The following ACAN variants were observed in gnomAD, a reference collection of about 807,000 sequenced individuals.
ACAN encodes the protein aggrecan core protein.
ACAN carries 47 observed loss-of-function variants against 169.1 expected under a neutral mutation model. The ratio of observed to expected loss-of-function variants is 0.28; its 90% CI spans 0.22 to 0.35. ACAN has a LOEUF of 0.35. Among genes scored for constraint, ACAN ranks in the 10% least tolerant of loss-of-function variants. The pLI, the probability that ACAN is intolerant of heterozygous loss-of-function variation, is 1.00. For synonymous variants in ACAN, 1,115 were observed against 1,112.2 expected, an observed-to-expected ratio of 1.00 and a Z score of -0.05; for missense variants, 2,716 against 2,759.9, an observed-to-expected ratio of 0.98 and a Z score of 0.36.
intron 1 of ACAN, among the ~76,000 whole-genome samples, chr15:88,806,134 A>G (rs1349165989): frequency 6.6e-6 from 1 of 152,140 alleles, no homozygotes; most frequent in East Asian, 1.9e-4. Flanking sequence ...CCTCTTCTCT[A>G]AAAAGGGGAG....
chr15:88,874,683 G>T lies in ACAN; in HGVS notation c.*202G>T, dbSNP rs561506930. 4.5e-6 allele frequency: 3 copies of T among 670,766 alleles called. No homozygotes were observed. Among genetic ancestry groups the T allele is most frequent in the Non-Finnish European group, 5.4e-6 (2 of 367,838 alleles). 41.6% of individuals were successfully genotyped at this position (670,766 alleles called of 1,614,324 possible). ...CAAAACCGCATCTAATTTGTCCGCC[G>T]AATGCCAAAGCAAAGCAAACTTATT... On this transcript the variant is annotated 3_prime_UTR_variant, in exon 19 of 19. Coordinates refer to ENST00000560601, the MANE Select transcript of ACAN (RefSeq NM_001369268.1). The surrounding 1 kb of genome is among the most constrained non-coding windows in gnomAD (Gnocchi z 7.3).
intron 1 of ACAN, among the ~76,000 whole-genome samples, chr15:88,825,535 T>C (rs947336814): frequency 3.3e-5 from 5 of 152,152 alleles, no homozygotes; most frequent in Non-Finnish European, 5.9e-5. Context: ...TAGTGTACCA[T>C]GTTATCTCCC....
rs1260822539 is a variant in ACAN at position 88,858,353 on chromosome 15, A to G, written c.5768A>G (p.Tyr1923Cys). 1.9e-6 allele frequency: 3 copies of G among 1,613,808 alleles called. No individual in the cohort carries two copies. Among genetic ancestry groups the G allele is most frequent in the South Asian group, 2.2e-5 (2 of 91,076 alleles). Reference protein sequence around the residue: ...IGSSLPSGAYYGSGTPSSFPT... With the variant: ...IGSSLPSGAYCGSGTPSSFPT... Reference sequence around the variant, plus strand: ...AGCAGCCTGCCCTCGGGAGCATATTATGGCAGTGGAACTCCATCTAGTTTC... The same window carrying G: ...AGCAGCCTGCCCTCGGGAGCATATTGTGGCAGTGGAACTCCATCTAGTTTC... The change falls in exon 12 of 19, where the codon TAT (tyrosine) becomes TGT (cysteine). Residue 1923 changes from tyrosine to cysteine, a missense_variant. Physicochemically the swap from Tyr to Cys is radical, Grantham distance 194. Transcript: ENST00000560601. This position sits in a 1 kb window ranked among gnomAD's most constrained non-coding sequence, Gnocchi z 4.0.
chr15:88,875,264 C>T lies in ACAN; in HGVS notation c.*783C>T, dbSNP rs1267905013. On this transcript the variant is annotated 3_prime_UTR_variant, in exon 19 of 19. Coordinates refer to ENST00000560601, the MANE Select transcript of ACAN (RefSeq NM_001369268.1). This position sits in a 1 kb window ranked among gnomAD's most constrained non-coding sequence, Gnocchi z 4.8. ...CCCTCCCCACCCCCGCCCCCGGGAC[C>T]GTGCAGGCACCAGGGTTCCGTGCAC... 4 of 150,798 alleles carry T rather than the reference C, an allele frequency of 2.7e-5. No individual in the cohort carries two copies. Among genetic ancestry groups the T allele is most frequent in the African/African-American group, 7.3e-5 (3 of 40,852 alleles). The allele number at this position is 150,798 out of a possible 1,614,324, so 9.3% of individuals were successfully genotyped here. A position where few individuals can be genotyped will look rare whatever the true frequency, so the allele number is the denominator to read the frequency against.
In ACAN at chr15:88,875,232, C is replaced by T. The variant is rs1203306787; in HGVS notation, c.*751C>T. ...CTGCCCAGTGGGGGGTGCCGCCCAA[C>T]CTTCTCCCCTCCCCACCCCCGCCCC... On this transcript the variant is annotated 3_prime_UTR_variant, in exon 19 of 19. Coordinates refer to ENST00000560601, the MANE Select transcript of ACAN (RefSeq NM_001369268.1). The surrounding 1 kb of genome is among the most constrained non-coding windows in gnomAD (Gnocchi z 4.8). The T allele has an allele frequency of 6.6e-6, 1 of 152,532 alleles. No individual in the cohort carries two copies. The highest frequency in any genetic ancestry group is 6.5e-5 in the Admixed American group (1 of 15,308). 9.4% of individuals were successfully genotyped at this position (152,532 alleles called of 1,614,324 possible).
chr15:88,848,381 A>T (rs1896847407), intron 9 of ACAN, among the ~76,000 whole-genome samples: 1 of 152,200 alleles, frequency 6.6e-6, no homozygotes, highest in South Asian at 2.1e-4. Flanking sequence ...CCTGGGCACA[A>T]ATCAAAGGCA....
chr15:88,874,396 T>C lies in ACAN; in HGVS notation c.7631-9T>C. 1 of 1,596,852 alleles carries C rather than the reference T, an allele frequency of 6.3e-7. No individual in the cohort carries two copies. Among genetic ancestry groups the C allele is most frequent in the African/African-American group, 1.3e-5 (1 of 74,566 alleles). ...CCACTGATATCTTTCCATCTCCCTT[T>C]CGTCCTAGCCACCACCTACAAACGC... is the stretch of plus-strand genomic sequence containing the variant. On this transcript the variant is annotated splice_polypyrimidine_tract_variant and intron_variant, in intron 18 of 18. Transcript: ENST00000560601. This position sits in a 1 kb window ranked among gnomAD's most constrained non-coding sequence, Gnocchi z 7.3.
chr15:88,845,804 G>A lies in ACAN; in HGVS notation c.1351G>A (p.Gly451Ser), dbSNP rs372274447. ...CTGGGGCTTTCCCACACCTGGCCTG[G>A]GCCCTGCCACGGCATTCACCAGTGA... Reference protein sequence around the residue: ...RPWGFPTPGLGPATAFTSEDL... With the variant: ...RPWGFPTPGLSPATAFTSEDL... Residue 451 changes from glycine to serine, a missense_variant, in exon 7 of 19, where the codon GGC (glycine) becomes AGC (serine). Physicochemically the swap from Gly to Ser is moderately conservative, Grantham distance 56. Transcript: ENST00000560601. 5.7e-6 allele frequency: 9 copies of A among 1,567,910 alleles called. No individual in the cohort carries two copies. Among genetic ancestry groups the A allele is most frequent in the Non-Finnish European group, 7.8e-6 (9 of 1,156,224 alleles).
At chr15:88,835,685 G>A (rs1896484805) in intron 1 of ACAN, among the ~76,000 whole-genome samples, 1 of 152,214 alleles carries the variant, frequency 6.6e-6, no homozygotes. Flanking sequence ...CTAGCTCAAA[G>A]GCCATCCAGC....
rs1013032122 is a variant in ACAN at position 88,843,512 on chromosome 15, C to T, written c.915C>T (p.Arg305=). 1.2e-6 allele frequency: 2 copies of T among 1,612,536 alleles called. No homozygotes were observed. The highest frequency in any genetic ancestry group is 1.7e-5 in the Admixed American group (1 of 59,964). The change falls in exon 6 of 19, where the codon CGC becomes CGT. Residue 305 remains arginine, a synonymous_variant. Coordinates refer to ENST00000560601, the MANE Select transcript of ACAN (RefSeq NM_001369268.1). The surrounding 1 kb of genome is among the most constrained non-coding windows in gnomAD (Gnocchi z 4.0). The part of the protein sequence containing the change: ...DMCSAGWLAD[R]SVRYPISKAR... ...GCAGCGCCGGCTGGCTGGCCGACCG[C>T]AGCGTGCGCTACCCCATCTCCAAGG...
intron 1 of ACAN, among the ~76,000 whole-genome samples, chr15:88,806,085 GC>G: frequency 6.6e-6 from 1 of 152,328 alleles, no homozygotes; most frequent in Middle Eastern, 3.4e-3. Flanking sequence ...TGGCTACATG[GC>G]TTTGATAAGG....
chr15:88,860,542 G>A, intron 13 of ACAN, 103 bp downstream of exon 13: 1 of 905,912 alleles, frequency 1.1e-6, no homozygotes, highest in Non-Finnish European at 1.8e-6. Context: ...AAGGTCCACT[G>A]AGGCTCAGGC....
At position 88,858,781 on chromosome 15, in the gene ACAN, C is replaced by A; in HGVS notation, c.6196C>A (p.Leu2066Ile). ...GCCCCCTGTGACACACACACCCCAG[C>A]TTTTTGAGTCCAGTGGAAAAGTCTC... ...QRPPVTHTPQ[L>I]FESSGKVSTA... Residue 2066 changes from leucine to isoleucine, a missense_variant, in exon 12 of 19, where the codon CTT (leucine) becomes ATT (isoleucine). Leu to Ile is a conservative substitution (Grantham distance 5). Around this residue, in one of 3 missense-constraint regions of ACAN, gnomAD observed 1,389 missense variants for 1,363.7 expected, o/e 1.02. Transcript: ENST00000560601. This position sits in a 1 kb window ranked among gnomAD's most constrained non-coding sequence, Gnocchi z 4.0. 1 of 1,613,930 alleles carries A rather than the reference C, an allele frequency of 6.2e-7. No individual in the cohort carries two copies. The highest frequency in any genetic ancestry group is 1.1e-5 in the South Asian group (1 of 91,064).
rs922268298 is a variant in ACAN at position 88,859,028 on chromosome 15, G to A, written c.6443G>A (p.Gly2148Glu). 4.3e-6 allele frequency: 7 copies of A among 1,613,846 alleles called. No homozygotes were observed. The African/African-American group carries it at 5.3e-5, about 12-fold the overall frequency. Residue 2148 changes from glycine (G) to glutamate (E), a missense_variant, in exon 12 of 19, where the codon GGA becomes GAA. Physicochemically the swap from Gly to Glu is moderately conservative, Grantham distance 98. Coordinates refer to ENST00000560601, the MANE Select transcript of ACAN (RefSeq NM_001369268.1). ...EANLERSSGL[G>E]VSGSTLTFQE... Reference sequence around the variant, plus strand: ...AACCTTGAGAGATCCTCTGGCCTAGGAGTGAGCGGCAGCACTTTGACATTT... The same window carrying A: ...AACCTTGAGAGATCCTCTGGCCTAGAAGTGAGCGGCAGCACTTTGACATTT...
rs1897410396 is a variant in ACAN, at chr15:88,872,703, G to T, written c.7303-178G>T. On this transcript the variant is annotated intron_variant, in intron 16 of 18. Transcript: ENST00000560601. This position sits in a 1 kb window ranked among gnomAD's most constrained non-coding sequence, Gnocchi z 5.4. The stretch of plus-strand genomic sequence containing the variant: ...CCCTAGAGGGCCACCGGGTTCCATG[G>T]CCCCTAGAACAGCCCTGATCAGATT... Among the ~76,000 whole-genome samples, 1 of 152,152 alleles carries T rather than the reference G, an allele frequency of 6.6e-6. No individual in the cohort carries two copies. The highest frequency in any genetic ancestry group is 2.4e-5 in the African/African-American group (1 of 41,442).
In ACAN at chr15:88,836,350, C is replaced by A; in HGVS notation, c.70+74C>A. On this transcript the variant is annotated intron_variant, in intron 2 of 18. Transcript: ENST00000560601. ...TGGGTTTGAGTACTGGGTACTGAAC[C>A]TGGTGCTACTGGTCCCAGGGATATA... 8.0e-6 allele frequency: 10 copies of A among 1,249,348 alleles called. No homozygotes were observed. In the Middle Eastern group the frequency reaches 1.5e-3, roughly 183 times the overall value. The allele number at this position is 1,249,348 out of a possible 1,614,324, so 77.4% of individuals were successfully genotyped here.
In ACAN at chr15:88,874,572, CT is replaced by C; in HGVS notation, c.*96del. 8.1e-7 allele frequency: 1 copy of C among 1,239,878 alleles called. No homozygotes were observed. The allele number at this position is 1,239,878 out of a possible 1,614,324, so 76.8% of individuals were successfully genotyped here. A position where few individuals can be genotyped will look rare whatever the true frequency, so the allele number is the denominator to read the frequency against. ...CCCAGACGGTGTCCTCTTCTTGTCG[CT>C]TTTTGTCATATAAGGAATCCCATTA... is the stretch of plus-strand genomic sequence containing the variant. On this transcript the variant is annotated 3_prime_UTR_variant, in exon 19 of 19. Transcript: ENST00000560601. This position sits in a 1 kb window ranked among gnomAD's most constrained non-coding sequence, Gnocchi z 7.3.
Position 88,843,827 on chromosome 15 carries a change from AGAGACTCTT to A in ACAN, c.1051+186_1051+194del, listed in dbSNP as rs1399283480. Among the ~76,000 whole-genome samples, 1 of 152,222 alleles carries A rather than the reference AGAGACTCTT, an allele frequency of 6.6e-6. No homozygotes were observed. Among genetic ancestry groups the A allele is most frequent in the African/African-American group, 2.4e-5 (1 of 41,462 alleles). On this transcript the variant is annotated intron_variant, in intron 6 of 18. Coordinates refer to ENST00000560601, the MANE Select transcript of ACAN (RefSeq NM_001369268.1). The surrounding 1 kb of genome is among the most constrained non-coding windows in gnomAD (Gnocchi z 4.0). ...ACTGGTTCCTAGGAAGCCCTAAGGT[AGAGACTCTT>A]GAGACTGCAGCGTATCTAGCTCTGT...
At position 88,845,368 on chromosome 15, in the gene ACAN, G is replaced by C. The variant is rs371919766; in HGVS notation, c.1052-137G>C. The stretch of plus-strand genomic sequence containing the variant: ...AGTACCCCTGAAATGGGCTTGGCAA[G>C]GTGCCTGGCACACAGTGGTGCCCTC... On this transcript the variant is annotated intron_variant, in intron 6 of 18. Coordinates refer to ENST00000560601, the MANE Select transcript of ACAN (RefSeq NM_001369268.1). The C allele has an allele frequency of 9.6e-5, 126 of 1,309,170 alleles. No homozygotes were observed. In the South Asian group the frequency reaches 2.0e-3, roughly 20 times the overall value. The allele number at this position is 1,309,170 out of a possible 1,614,324, so 81.1% of individuals were successfully genotyped here.
Sources: gnomAD v4.1 joint callset for allele counts (sites outside exome capture counted in the v4.1 genomes callset) on GRCh38, gnomAD v4.1.1 for gene constraint, gnomAD v4.1.1 regional missense constraint, Gnocchi (gnomAD v3.1) non-coding constraint, MANE v1.5 for transcripts, NCBI Gene and HGNC (gene_info 2026-07-23, HGNC 2026-07-21) for gene names.